The following RNF144B variants were observed in gnomAD, a reference collection of about 807,000 sequenced individuals.
RNF144B encodes the protein E3 ubiquitin-protein ligase RNF144B.
RNF144B carries 25 observed loss-of-function variants against 40.2 expected under a neutral mutation model. That is an observed-to-expected ratio of 0.62 (90% confidence interval 0.45 to 0.87). The LOEUF is 0.87. Ranked by LOEUF, RNF144B falls within the 40% of genes least tolerant of loss-of-function variation. The probability of loss-of-function intolerance (pLI) is 0.00; values close to 1 mark genes in which losing one functional copy is unlikely to be tolerated. For missense variants in RNF144B, 365 were observed against 373.7 expected (o/e 0.98, Z 0.19); for synonymous variants, 145 against 136.3 (o/e 1.06, Z -0.44).
In RNF144B at chr6:18,447,520, C is replaced by T. The variant is rs1280524531; in HGVS notation, c.331+7776C>T. 6.6e-6 allele frequency among the ~76,000 whole-genome samples: 1 copy of T among 152,100 alleles called. No homozygotes were observed. Among genetic ancestry groups the T allele is most frequent in the Non-Finnish European group, 1.5e-5 (1 of 68,018 alleles). On this transcript the variant is annotated intron_variant, in intron 4 of 7. Coordinates refer to ENST00000259939, the MANE Select transcript of RNF144B (RefSeq NM_182757.4). The surrounding 1 kb of genome is among the most constrained non-coding windows in gnomAD (Gnocchi z 5.6). ...GATTTCCATTTTAGAAGATTACTGT[C>T]GCTGCTGCAGAAGAGTGGATGGTAA...
chr6:18,418,918 T>G lies in RNF144B; in HGVS notation c.166-8663T>G, dbSNP rs1795199172. Among the ~76,000 whole-genome samples, 1 of 152,144 alleles carries G rather than the reference T, an allele frequency of 6.6e-6. No homozygotes were observed. Among genetic ancestry groups the G allele is most frequent in the Non-Finnish European group, 1.5e-5 (1 of 68,028 alleles). ...CCTGGGCATTGGACTTCTGGAAACC[T>G]TCCCAGATAATTCTATTAAAAAGCT... On this transcript the variant is annotated intron_variant, in intron 2 of 7. Transcript: ENST00000259939. The surrounding 1 kb of genome is among the most constrained non-coding windows in gnomAD (Gnocchi z 5.2).
In RNF144B at chr6:18,399,505, A is replaced by C. The variant is rs1280202406; in HGVS notation, c.-30A>C. 6.2e-7 allele frequency: 1 copy of C among 1,611,092 alleles called. No individual in the cohort carries two copies. Among genetic ancestry groups the C allele is most frequent in the Non-Finnish European group, 8.5e-7 (1 of 1,177,832 alleles). ...GCTTTGGACCTTTCTATAGGGATTG[A>C]GGAGACTGAAGAATGCTGAAGACAG... On this transcript the variant is annotated 5_prime_UTR_variant, in exon 2 of 8. Transcript: ENST00000259939.
intron 2 of RNF144B, among the ~76,000 whole-genome samples, chr6:18,415,794 G>C (rs556515681): frequency 2.0e-5 from 3 of 151,472 alleles, no homozygotes; most frequent in Non-Finnish European, 4.4e-5. Flanking sequence ...TAGCATAGCC[G>C]TACCTCATGG....
chr6:18,387,951 A>T (rs1794496191), intron 1 of RNF144B, among the ~76,000 whole-genome samples: 1 of 152,214 alleles, frequency 6.6e-6, no homozygotes, highest in Admixed American at 6.5e-5. Context: ...ATAATCTCGG[A>T]TTATGCATTA....
Position 18,406,861 on chromosome 6 carries a change from T to G in RNF144B, c.165+7162T>G, listed in dbSNP as rs2113470536. Among the ~76,000 whole-genome samples the G allele has an allele frequency of 6.6e-6, 1 of 152,244 alleles. No individual in the cohort carries two copies. The highest frequency in any genetic ancestry group is 1.5e-5 in the Non-Finnish European group (1 of 68,016). On this transcript the variant is annotated intron_variant, in intron 2 of 7. Coordinates refer to ENST00000259939, the MANE Select transcript of RNF144B (RefSeq NM_182757.4). The surrounding 1 kb of genome is among the most constrained non-coding windows in gnomAD (Gnocchi z 4.2). Reference sequence around the variant, plus strand: ...CCTGAGATCTATAAAGGAAGGAGGTTTAATTGACTCACAGTTCTGCATGGA... The same window carrying G: ...CCTGAGATCTATAAAGGAAGGAGGTGTAATTGACTCACAGTTCTGCATGGA...
intron 2 of RNF144B, among the ~76,000 whole-genome samples, chr6:18,421,271 T>C (rs1217682037): frequency 1.5e-4 from 20 of 130,942 alleles, no homozygotes; most frequent in Admixed American, 5.1e-4. Context: ...AATTATATAT[T>C]ATACACACAC....
chr6:18,453,262 C>G (rs986585572), intron 4 of RNF144B, among the ~76,000 whole-genome samples: 1 of 151,220 alleles, frequency 6.6e-6, no homozygotes, highest in East Asian at 2.0e-4. Flanking sequence ...CCTCAGCCTC[C>G]CTAGTAGCTG....
rs1323237147 is a variant in RNF144B, at chr6:18,442,018, G to T, written c.331+2274G>T. ...CTTCAGGAAATATCATCATACTGAAGTAGATATTATTGATTGTCTTGTTGT... is the reference window on the plus strand; with the variant it reads ...CTTCAGGAAATATCATCATACTGAATTAGATATTATTGATTGTCTTGTTGT... On this transcript the variant is annotated intron_variant, in intron 4 of 7. Transcript: ENST00000259939. This position sits in a 1 kb window ranked among gnomAD's most constrained non-coding sequence, Gnocchi z 4.3. Among the ~76,000 whole-genome samples the T allele has an allele frequency of 6.6e-6, 1 of 152,206 alleles. No individual in the cohort carries two copies. Among genetic ancestry groups the T allele is most frequent in the African/African-American group, 2.4e-5 (1 of 41,436 alleles).
rs926930405 is a variant in RNF144B at position 18,396,554 on chromosome 6, G to A, written c.-36-2945G>A. On this transcript the variant is annotated intron_variant, in intron 1 of 7. Coordinates refer to ENST00000259939, the MANE Select transcript of RNF144B (RefSeq NM_182757.4). ...GCTAAGTGTATTTGACATTTGGGGT[G>A]TGGGATGGTTCTGGCCTGTGTCATT... is the stretch of plus-strand genomic sequence containing the variant. The A allele has an allele frequency of 6.1e-6, 6 of 985,446 alleles. No homozygotes were observed. The East Asian group carries it at 6.8e-4, about 112-fold the overall frequency. The allele number at this position is 985,446 out of a possible 1,614,324, so 61.0% of individuals were successfully genotyped here. A position where few individuals can be genotyped will look rare whatever the true frequency, so the allele number is the denominator to read the frequency against.
rs866415243 is a variant in RNF144B at position 18,409,399 on chromosome 6, A to C, written c.165+9700A>C. Reference sequence around the variant, plus strand: ...TCAAAAAAAAAAAAAAAAAAAAAAAAAAAACCCTGGAAAACTCTTCTTTTT... The same window carrying C: ...TCAAAAAAAAAAAAAAAAAAAAAAACAAAACCCTGGAAAACTCTTCTTTTT... On this transcript the variant is annotated intron_variant, in intron 2 of 7. Transcript: ENST00000259939. 1.8e-3 allele frequency among the ~76,000 whole-genome samples: 250 copies of C among 135,288 alleles called. 2 individuals are homozygous for C. The highest frequency in any genetic ancestry group is 0.018 in the Middle Eastern group (5 of 274). The allele number at this position is 135,288 out of a possible 152,430, so 88.8% of individuals were successfully genotyped here. A position where few individuals can be genotyped will look rare whatever the true frequency, so the allele number is the denominator to read the frequency against.
Position 18,450,366 on chromosome 6 carries a change from C to A in RNF144B, c.332-6789C>A, listed in dbSNP as rs1582441432. ...AGGCTGGAGTGCAGTGGCAATATTTCAGCTTACTGCGATCTCCGCCTCCCG... is the reference window on the plus strand; with the variant it reads ...AGGCTGGAGTGCAGTGGCAATATTTAAGCTTACTGCGATCTCCGCCTCCCG... On this transcript the variant is annotated intron_variant, in intron 4 of 7. Transcript: ENST00000259939. This position sits in a 1 kb window ranked among gnomAD's most constrained non-coding sequence, Gnocchi z 4.7. Among the ~76,000 whole-genome samples, 2 of 151,788 alleles carry A rather than the reference C, an allele frequency of 1.3e-5. No individual in the cohort carries two copies. The highest frequency in any genetic ancestry group is 3.9e-4 in the East Asian group (2 of 5,164).
rs1226860259 is a variant in RNF144B at position 18,457,627 on chromosome 6, A to G, written c.536+268A>G. Among the ~76,000 whole-genome samples, 3 of 152,162 alleles carry G rather than the reference A, an allele frequency of 2.0e-5. No homozygotes were observed. The highest frequency in any genetic ancestry group is 4.4e-5 in the Non-Finnish European group (3 of 68,026). ...TTTAGGTAGTGAGGCACCGTGGTCT[A>G]CTGGTTCTCAGTAGGAAATCATGAC... On this transcript the variant is annotated intron_variant, in intron 5 of 7. Transcript: ENST00000259939. This position sits in a 1 kb window ranked among gnomAD's most constrained non-coding sequence, Gnocchi z 5.1.
chr6:18,442,281 T>G lies in RNF144B; in HGVS notation c.331+2537T>G, dbSNP rs1758982031. Reference sequence around the variant, plus strand: ...GGCATCTGAGCCAGTCTATCTTTTTTAGGTGGTGATGCATATTTCTACTTT... The same window carrying G: ...GGCATCTGAGCCAGTCTATCTTTTTGAGGTGGTGATGCATATTTCTACTTT... On this transcript the variant is annotated intron_variant, in intron 4 of 7. Coordinates refer to ENST00000259939, the MANE Select transcript of RNF144B (RefSeq NM_182757.4). This position sits in a 1 kb window ranked among gnomAD's most constrained non-coding sequence, Gnocchi z 4.3. Among the ~76,000 whole-genome samples the G allele has an allele frequency of 6.6e-6, 1 of 152,266 alleles. No individual in the cohort carries two copies. Among genetic ancestry groups the G allele is most frequent in the South Asian group, 2.1e-4 (1 of 4,834 alleles).
chr6:18,404,936 C>T (rs1397320834), intron 2 of RNF144B, among the ~76,000 whole-genome samples: 1 of 152,084 alleles, frequency 6.6e-6, no homozygotes, highest in African/African-American at 2.4e-5. Context: ...AGGGATCTTA[C>T]TCAAGGCCAA....
rs1001650296 is a variant in RNF144B at position 18,467,045 on chromosome 6, T to C, written c.*1978T>C. 6.6e-6 allele frequency: 1 copy of C among 152,658 alleles called. No homozygotes were observed. The highest frequency in any genetic ancestry group is 1.5e-5 in the Non-Finnish European group (1 of 68,044). The allele number at this position is 152,658 out of a possible 1,614,324, so 9.5% of individuals were successfully genotyped here. A position where few individuals can be genotyped will look rare whatever the true frequency, so the allele number is the denominator to read the frequency against. Reference sequence around the variant, plus strand: ...TAGTTCATGTTAGTATAATTATAGATTTACATATATTTGAATAGTTAATTT... The same window carrying C: ...TAGTTCATGTTAGTATAATTATAGACTTACATATATTTGAATAGTTAATTT... On this transcript the variant is annotated 3_prime_UTR_variant, in exon 8 of 8. Transcript: ENST00000259939.
rs1248021536 is a variant in RNF144B at position 18,414,191 on chromosome 6, AT to A, written c.166-13387del. Among the ~76,000 whole-genome samples, 23 of 152,176 alleles carry A rather than the reference AT, an allele frequency of 1.5e-4. No individual in the cohort carries two copies. The highest frequency in any genetic ancestry group is 4.3e-4 in the African/African-American group (18 of 41,438). On this transcript the variant is annotated intron_variant, in intron 2 of 7. Transcript: ENST00000259939. This position sits in a 1 kb window ranked among gnomAD's most constrained non-coding sequence, Gnocchi z 4.9. ...TCAAAATAATTTTGAATAAAATGAG[AT>A]TTCTAATAACCAACCTAGTCATTGT...
At position 18,457,425 on chromosome 6, in the gene RNF144B, G is replaced by A. The variant is rs765915847; in HGVS notation, c.536+66G>A. On this transcript the variant is annotated intron_variant, in intron 5 of 7. Transcript: ENST00000259939. This position sits in a 1 kb window ranked among gnomAD's most constrained non-coding sequence, Gnocchi z 5.1. ...TTCTTAGAAATTCAACATACCTTAC[G>A]TGTAGAAGGAGTTACGTTGTGATGG... 221 of 1,205,062 alleles carry A rather than the reference G, an allele frequency of 1.8e-4. No individual in the cohort carries two copies. Among genetic ancestry groups the A allele is most frequent in the Non-Finnish European group, 2.3e-4 (184 of 808,138 alleles). 74.6% of individuals were successfully genotyped at this position (1,205,062 alleles called of 1,614,324 possible).
rs558252616 is a variant in RNF144B at position 18,452,731 on chromosome 6, TG to T, written c.332-4423del. On this transcript the variant is annotated intron_variant, in intron 4 of 7. Coordinates refer to ENST00000259939, the MANE Select transcript of RNF144B (RefSeq NM_182757.4). ...TGCCTTTACTCAAGAGTAACTGTTA[TG>T]TTTTTTTAATATTCTTCTGCAAATG... 1.5e-3 allele frequency among the ~76,000 whole-genome samples: 234 copies of T among 152,274 alleles called. 1 individual carries two copies. Among genetic ancestry groups the T allele is most frequent in the African/African-American group, 5.3e-3 (222 of 41,554 alleles).
intron 6 of RNF144B, among the ~76,000 whole-genome samples, chr6:18,462,472 TC>T (rs1410958015): frequency 6.6e-6 from 1 of 152,214 alleles, no homozygotes; most frequent in Non-Finnish European, 1.5e-5. Flanking sequence ...ATGCCTGTGT[TC>T]AGCAGCCTCT....
Sources: gnomAD v4.1 joint callset for allele counts (sites outside exome capture counted in the v4.1 genomes callset) on GRCh38, gnomAD v4.1.1 for gene constraint, Gnocchi (gnomAD v3.1) non-coding constraint, MANE v1.5 for transcripts, NCBI Gene and HGNC (gene_info 2026-07-23, HGNC 2026-07-21) for gene names.